CACNA2D3: variants seen among roughly 807,000 people sequenced by gnomAD.
The protein encoded by CACNA2D3 is voltage-dependent calcium channel subunit alpha-2/delta-3.
A neutral mutation model predicts 160.6 loss-of-function variants in CACNA2D3; 60 were observed. The observed-to-expected ratio is 0.37, with a 90% CI of 0.30 to 0.46. CACNA2D3 has a LOEUF of 0.46. CACNA2D3 is among the 20% of genes least tolerant of loss of function. The pLI, the probability that CACNA2D3 is intolerant of heterozygous loss-of-function variation, is 1.00. For synonymous variants in CACNA2D3, 558 were observed against 492.9 expected (o/e 1.13, Z -1.75); for missense variants, 1,205 against 1,365.0 (o/e 0.88, Z 1.85).
At position 54,394,618 on chromosome 3, in the gene CACNA2D3, C is replaced by A. The variant is rs1254752022; in HGVS notation, c.381+7844C>A. On this transcript the variant is annotated intron_variant, in intron 4 of 37. Transcript: ENST00000474759. ...GTTTACTGAGAATGATGGTTTCCATCCATGTCCCTACAAAGGACATGAACT... is the reference window on the plus strand; with the variant it reads ...GTTTACTGAGAATGATGGTTTCCATACATGTCCCTACAAAGGACATGAACT... Among the ~76,000 whole-genome samples the A allele has an allele frequency of 2.6e-5, 3 of 113,302 alleles. 1 individual carries two copies. The highest frequency in any genetic ancestry group is 5.4e-5 in the Non-Finnish European group (3 of 55,302). 74.3% of individuals were successfully genotyped at this position (113,302 alleles called of 152,430 possible). A position where few individuals can be genotyped will look rare whatever the true frequency, so the allele number is the denominator to read the frequency against.
intron 4 of CACNA2D3, among the ~76,000 whole-genome samples, chr3:54,480,100 T>A (rs1559493725): frequency 6.6e-6 from 1 of 152,042 alleles, no homozygotes; most frequent in East Asian, 1.9e-4. Context: ...TCCCAGCACT[T>A]TGGGAGTCTG....
At chr3:54,190,990 C>G (rs1166284394) in intron 2 of CACNA2D3, among the ~76,000 whole-genome samples, 1 of 150,364 alleles carries the variant, frequency 6.7e-6, no homozygotes, top group Non-Finnish European at 1.5e-5. Flanking sequence ...TGGGATAATA[C>G]CAGAACCTGC....
At chr3:54,430,397 A>G (rs1333723280) in intron 4 of CACNA2D3, among the ~76,000 whole-genome samples, 2 of 152,252 alleles carry the variant, frequency 1.3e-5, no homozygotes, top group African/African-American at 2.4e-5. Flanking sequence ...GAGCTTGTTC[A>G]GAATTCTCTA....
intron 4 of CACNA2D3, among the ~76,000 whole-genome samples, chr3:54,490,142 A>G (rs552877197): frequency 6.6e-6 from 1 of 152,332 alleles, no homozygotes; most frequent in African/African-American, 2.4e-5. Context: ...AGCTGGGAAG[A>G]AGAAAACAAT....
At chr3:54,660,518 C>T (rs1699949465) in intron 11 of CACNA2D3, among the ~76,000 whole-genome samples, 1 of 152,164 alleles carries the variant, frequency 6.6e-6, no homozygotes, top group African/African-American at 2.4e-5. Context: ...AAATGAAGCT[C>T]CTTCTTCCTG....
chr3:54,674,511 A>C (rs568294941), intron 11 of CACNA2D3, among the ~76,000 whole-genome samples: 53 of 152,312 alleles, frequency 3.5e-4, no homozygotes, highest in Middle Eastern at 3.4e-3. Context: ...TTTAATTATA[A>C]ATTTAAAGTG....
chr3:55,054,314 C>T (rs1704309778), intron 35 of CACNA2D3, among the ~76,000 whole-genome samples: 2 of 151,748 alleles, frequency 1.3e-5, no homozygotes, highest in South Asian at 4.1e-4. Flanking sequence ...TACTGAGCTT[C>T]TGTTCATTTG....
At chr3:54,820,831 A>G (rs1218344864) in intron 14 of CACNA2D3, among the ~76,000 whole-genome samples, 3 of 152,178 alleles carry the variant, frequency 2.0e-5, no homozygotes, top group African/African-American at 4.8e-5. Context: ...ACCCAAAGCC[A>G]TTTACAAATA....
chr3:54,924,965 A>G lies in CACNA2D3; in HGVS notation c.2449+25097A>G, dbSNP rs1217472168. 14 of 1,611,104 alleles carry G rather than the reference A, an allele frequency of 8.7e-6. No homozygotes were observed. In the East Asian group the frequency reaches 2.9e-4, roughly 33 times the overall value. ...GGAAAGCTCCAGGGGCCAGATTTGA[A>G]AGGGAATTGTTGGACAAGTTTAAGG... On this transcript the variant is annotated intron_variant, in intron 27 of 37. Coordinates refer to ENST00000474759, the MANE Select transcript of CACNA2D3 (RefSeq NM_018398.3).
rs557041331 is a variant in CACNA2D3, at chr3:54,679,712, G to A, written c.1167+37471G>A. On this transcript the variant is annotated intron_variant, in intron 11 of 37. Coordinates refer to ENST00000474759, the MANE Select transcript of CACNA2D3 (RefSeq NM_018398.3). ...AGACCATTCTTTGAAAACATGCTTC[G>A]CAGTGGGTTCAAGGTCAGCAAAATG... Among the ~76,000 whole-genome samples, 7 of 152,340 alleles carry A rather than the reference G, an allele frequency of 4.6e-5. No individual in the cohort carries two copies. The South Asian group carries it at 1.2e-3, about 27-fold the overall frequency.
At chr3:54,609,565 T>C (rs1290982659) in intron 9 of CACNA2D3, among the ~76,000 whole-genome samples, 1 of 152,180 alleles carries the variant, frequency 6.6e-6, no homozygotes, top group Non-Finnish European at 1.5e-5. Flanking sequence ...CTCAAAAATG[T>C]ACTTGAGGAA....
chr3:54,468,156 C>G (rs556202439), intron 4 of CACNA2D3, among the ~76,000 whole-genome samples: 112 of 152,260 alleles, frequency 7.4e-4, no homozygotes, highest in African/African-American at 2.6e-3. Flanking sequence ...TGGCCAAATA[C>G]AAACAACTCC....
chr3:54,373,463 A>G lies in CACNA2D3; in HGVS notation c.322-13252A>G, dbSNP rs142714369. On this transcript the variant is annotated intron_variant, in intron 3 of 37. Transcript: ENST00000474759. ...GAAAACTGTGGTATGTTTTAAATAT[A>G]TACATTTCACAAATTGCTGCTTTTT... Among the ~76,000 whole-genome samples the G allele has an allele frequency of 4.1e-4, 63 of 152,328 alleles. No individual in the cohort carries two copies. In the East Asian group the frequency reaches 0.012, roughly 28 times the overall value.
chr3:54,304,981 C>T (rs1703565669), intron 2 of CACNA2D3, among the ~76,000 whole-genome samples: 1 of 151,948 alleles, frequency 6.6e-6, no homozygotes, highest in South Asian at 2.1e-4. Flanking sequence ...CTGTATTTAG[C>T]ATTATTTCAT....
intron 16 of CACNA2D3, among the ~76,000 whole-genome samples, chr3:54,843,695 C>T (rs1698870718): frequency 6.6e-6 from 1 of 152,180 alleles, no homozygotes; most frequent in African/African-American, 2.4e-5. Flanking sequence ...GGGTCAATCT[C>T]TGAGGCAGGA....
At chr3:54,183,917 A>G (rs926730560) in intron 2 of CACNA2D3, among the ~76,000 whole-genome samples, 2 of 150,036 alleles carry the variant, frequency 1.3e-5, no homozygotes, top group Non-Finnish European at 3.0e-5. Context: ...AAAAAAAAAA[A>G]AAAGAAGAGC....
intron 4 of CACNA2D3, among the ~76,000 whole-genome samples, chr3:54,498,479 TAATC>T (rs546646669): frequency 7.2e-4 from 109 of 152,084 alleles, no homozygotes; most frequent in African/African-American, 2.5e-3. Context: ...CTTTTTTTCT[TAATC>T]AGTCTAACTA....
intron 9 of CACNA2D3, among the ~76,000 whole-genome samples, chr3:54,592,749 C>A (rs991247121): frequency 3.3e-5 from 5 of 152,196 alleles, no homozygotes; most frequent in African/African-American, 1.2e-4. Context: ...AATCAGCCCA[C>A]CTTAGAAACC....
intron 13 of CACNA2D3, among the ~76,000 whole-genome samples, chr3:54,788,577 T>A (rs1405054577): frequency 6.6e-6 from 1 of 152,208 alleles, no homozygotes; most frequent in East Asian, 1.9e-4. Flanking sequence ...CCCTTTCAAC[T>A]TGGTGCTATC....
Sources: allele counts gnomAD v4.1 joint callset (sites outside exome capture counted in the v4.1 genomes callset), GRCh38; gene constraint gnomAD v4.1.1; transcripts MANE v1.5; gene names NCBI Gene and HGNC (gene_info 2026-07-23, HGNC 2026-07-21).